The following DSCAM variants were observed in gnomAD, a reference collection of about 807,000 sequenced individuals.
The protein encoded by DSCAM is cell adhesion molecule DSCAM.
In DSCAM, 47 loss-of-function variants were observed where a neutral mutation model predicts 217.7. The observed-to-expected ratio is 0.22, with a 90% CI of 0.17 to 0.28. The LOEUF (loss-of-function observed/expected upper bound fraction) is 0.28, where lower values mean the gene tolerates loss of function less well. Ranked by LOEUF, DSCAM falls within the 10% of genes least tolerant of loss-of-function variation. The pLI, the probability that DSCAM is intolerant of heterozygous loss-of-function variation, is 1.00. For missense variants in DSCAM, 2,080 were observed against 2,618.3 expected, an observed-to-expected ratio of 0.79 and a Z score of 4.49; for synonymous variants, 1,056 against 1,015.3, an observed-to-expected ratio of 1.04 and a Z score of -0.76.
chr21:40,124,222 A>G lies in DSCAM; in HGVS notation c.3669T>C (p.Thr1223=). 1 of 1,614,012 alleles carries G rather than the reference A, an allele frequency of 6.2e-7. No homozygotes were observed. The highest frequency in any genetic ancestry group is 8.5e-7 in the Non-Finnish European group (1 of 1,180,024). ...TGGGATAGGGGTGGGAGCAGAATAC[A>G]GTGTACTTTCGGATGATGCCGTTCA... ...LKLNGIIRKY[T]VFCSHPYPTV... The change falls in exon 20 of 33, where the codon ACT becomes ACC. Residue 1223 remains threonine (T), a synonymous_variant. Transcript: ENST00000400454.
intron 28 of DSCAM, among the ~76,000 whole-genome samples, chr21:40,057,332 T>G (rs925869067): frequency 6.6e-6 from 1 of 152,124 alleles, no homozygotes; most frequent in African/African-American, 2.4e-5. Context: ...ATTCAAATAA[T>G]CAAATAAAAG....
At chr21:40,347,546 C>T (rs1258428451) in intron 6 of DSCAM, 124 bp downstream of exon 6, 4 of 1,316,202 alleles carry the variant, frequency 3.0e-6, no homozygotes, top group Admixed American at 4.4e-5. Context: ...GGGTAGAGTA[C>T]TAGCTGGTGA....
At chr21:40,459,141 C>A (rs2075786156) in intron 3 of DSCAM, among the ~76,000 whole-genome samples, 3 of 151,894 alleles carry the variant, frequency 2.0e-5, no homozygotes, top group African/African-American at 7.3e-5. Context: ...ACACAAGAAT[C>A]AATGCATTCG....
chr21:40,772,271 C>T (rs1006720381), intron 1 of DSCAM, among the ~76,000 whole-genome samples: 5 of 152,190 alleles, frequency 3.3e-5, no homozygotes, highest in South Asian at 4.2e-4. Context: ...TGGGTGCAAG[C>T]GATTTTCCTG....
Position 40,353,749 on chromosome 21 carries a change from G to A in DSCAM, c.656-6C>T, listed in dbSNP as rs993345639. The A allele has an allele frequency of 2.6e-6, 4 of 1,528,596 alleles. No homozygotes were observed. Among genetic ancestry groups the A allele is most frequent in the Non-Finnish European group, 3.5e-6 (4 of 1,146,842 alleles). 94.7% of individuals were successfully genotyped at this position (1,528,596 alleles called of 1,614,324 possible). A position where few individuals can be genotyped will look rare whatever the true frequency, so the allele number is the denominator to read the frequency against. On this transcript the variant is annotated splice_polypyrimidine_tract_variant and splice_region_variant and intron_variant, in intron 4 of 32. Coordinates refer to ENST00000400454, the MANE Select transcript of DSCAM (RefSeq NM_001389.5). ...TGGGGCTGAGTTCGCTGGGTCTGTAGAAGAAATAAAAACTCTTAGAGGCAG... is the reference window on the plus strand; with the variant it reads ...TGGGGCTGAGTTCGCTGGGTCTGTAAAAGAAATAAAAACTCTTAGAGGCAG...
At chr21:40,086,423 C>T (rs542295666) in intron 22 of DSCAM, among the ~76,000 whole-genome samples, 1 of 152,298 alleles carries the variant, frequency 6.6e-6, no homozygotes, top group South Asian at 2.1e-4. Context: ...AAAGTGGTCA[C>T]TAAACCAAAC....
intron 6 of DSCAM, among the ~76,000 whole-genome samples, chr21:40,343,892 TTTTA>T (rs1375310006): frequency 0.018 from 2,763 of 150,970 alleles, 76 homozygotes; most frequent in African/African-American, 0.064. Context: ...TTTTATTTCA[TTTTA>T]TTTATTTTAT....
chr21:40,353,542 G>C lies in DSCAM; in HGVS notation c.857C>G (p.Ser286Trp). ...TTCACAAACATAGCTGCCTGAGTCC[G>C]AGGGGCGAATGTTCTCAATGAGCAG... ...TGLLIENIRP[S>W]DSGSYVCEVS... is the part of the protein sequence containing the mutation. Residue 286 changes from serine to tryptophan, a missense_variant, in exon 5 of 33, where the codon TCG becomes TGG. Physicochemically the swap from Ser to Trp is radical, Grantham distance 177. This residue lies in a region of DSCAM where 568 missense variants were observed against 678.1 expected (regional missense o/e 0.84). Coordinates refer to ENST00000400454, the MANE Select transcript of DSCAM (RefSeq NM_001389.5). 6.2e-7 allele frequency: 1 copy of C among 1,612,232 alleles called. No homozygotes were observed. Among genetic ancestry groups the C allele is most frequent in the Non-Finnish European group, 8.5e-7 (1 of 1,179,388 alleles).
chr21:40,351,489 C>T (rs9975866), intron 5 of DSCAM, among the ~76,000 whole-genome samples: 72,742 of 151,996 alleles, frequency 0.48, 19,284 homozygotes, highest in South Asian at 0.64. Context: ...AGTACAGATT[C>T]AGAGCTTATT....
At chr21:40,422,949 A>G (rs2075438619) in intron 3 of DSCAM, among the ~76,000 whole-genome samples, 1 of 152,250 alleles carries the variant, frequency 6.6e-6, no homozygotes, top group Non-Finnish European at 1.5e-5. Context: ...ACACAATTTT[A>G]TCAGTAAAGG....
intron 3 of DSCAM, among the ~76,000 whole-genome samples, chr21:40,621,651 C>T (rs2089519351): frequency 6.6e-6 from 1 of 151,920 alleles, no homozygotes; most frequent in East Asian, 1.9e-4. Flanking sequence ...CATGGTTCCA[C>T]CAGACCCAGG....
At position 40,636,709 on chromosome 21, in the gene DSCAM, G is replaced by GA. The variant is rs35170605; in HGVS notation, c.508+56100dup. 1.0e-3 allele frequency among the ~76,000 whole-genome samples: 143 copies of GA among 139,820 alleles called. 1 individual carries two copies. The highest frequency in any genetic ancestry group is 1.6e-3 in the Non-Finnish European group (101 of 64,842). 91.7% of individuals were successfully genotyped at this position (139,820 alleles called of 152,430 possible). A position where few individuals can be genotyped will look rare whatever the true frequency, so the allele number is the denominator to read the frequency against. On this transcript the variant is annotated intron_variant, in intron 3 of 32. Coordinates refer to ENST00000400454, the MANE Select transcript of DSCAM (RefSeq NM_001389.5). ...TAAATTAAATGACATAACTTGCTAG[G>GA]AAAAAAAAAATGCCACGCTAGTCTG... is the stretch of plus-strand genomic sequence containing the variant.
chr21:40,256,968 A>C (rs1342286075), intron 11 of DSCAM, among the ~76,000 whole-genome samples: 2 of 152,194 alleles, frequency 1.3e-5, no homozygotes, highest in Non-Finnish European at 2.9e-5. Context: ...CCTGTCCCTA[A>C]AAGAAAAGCA....
chr21:40,808,230 C>T lies in DSCAM; in HGVS notation c.43+38389G>A, dbSNP rs563104754. Among the ~76,000 whole-genome samples the T allele has an allele frequency of 2.0e-5, 3 of 152,248 alleles. No individual in the cohort carries two copies. The East Asian group carries it at 5.8e-4, about 29-fold the overall frequency. ...TGGGGGAATTCCACTGTCCTTGTAT[C>T]AGTCAACATCTCTACTCACCAGACC... On this transcript the variant is annotated intron_variant, in intron 1 of 32. Transcript: ENST00000400454.
chr21:40,410,352 A>G (rs1299178307), intron 3 of DSCAM, among the ~76,000 whole-genome samples: 2 of 152,114 alleles, frequency 1.3e-5, no homozygotes, highest in Admixed American at 6.5e-5. Flanking sequence ...CAAAGCATCA[A>G]TGACTTGAAG....
chr21:40,123,767 T>G, intron 20 of DSCAM, among the ~76,000 whole-genome samples: 3 of 97,728 alleles, frequency 3.1e-5, no homozygotes, highest in African/African-American at 8.1e-5. Flanking sequence ...AAGGGAGGGA[T>G]AGGGTGGGAG....
At chr21:40,765,428 G>A (rs1174504744) in intron 1 of DSCAM, among the ~76,000 whole-genome samples, 2 of 152,190 alleles carry the variant, frequency 1.3e-5, no homozygotes, top group Admixed American at 6.5e-5. Flanking sequence ...AGCATCTAAC[G>A]TGGGTGATTT....
rs551697910 is a variant in DSCAM, at chr21:40,699,165, T to C, written c.362-6209A>G. Among the ~76,000 whole-genome samples, 36 of 152,308 alleles carry C rather than the reference T, an allele frequency of 2.4e-4. 2 individuals are homozygous for C. In the South Asian group the frequency reaches 7.1e-3, roughly 30 times the overall value. On this transcript the variant is annotated intron_variant, in intron 2 of 32. Coordinates refer to ENST00000400454, the MANE Select transcript of DSCAM (RefSeq NM_001389.5). ...ATCATTATATCTGTTACGGTGATCA[T>C]TGATCAGTGATCTTTGATATTACTA...
intron 11 of DSCAM, among the ~76,000 whole-genome samples, chr21:40,248,840 A>T (rs2073263281): frequency 6.6e-6 from 1 of 152,222 alleles, no homozygotes; most frequent in Non-Finnish European, 1.5e-5. Flanking sequence ...AAGAGGTTGG[A>T]TTGGACTTAC....
Sources: allele counts gnomAD v4.1 joint callset (sites outside exome capture counted in the v4.1 genomes callset), GRCh38; gene constraint gnomAD v4.1.1; regional missense constraint gnomAD v4.1.1; transcripts MANE v1.5; gene names NCBI Gene and HGNC (gene_info 2026-07-23, HGNC 2026-07-21).